The following MCC variants were observed in gnomAD, a reference collection of about 807,000 sequenced individuals.
MCC encodes colorectal mutant cancer protein.
Under a neutral mutation model 116.2 loss-of-function variants are expected in MCC, and 90 were observed. That is an observed-to-expected ratio of 0.77 (90% confidence interval 0.65 to 0.92). The LOEUF is 0.92. Ranked by LOEUF, MCC falls within the 40% of genes least tolerant of loss-of-function variation. The pLI is 0.00. For missense variants in MCC, 1,516 were observed against 1,312.2 expected (o/e 1.16, Z -2.40); for synonymous variants, 578 against 510.5 (o/e 1.13, Z -1.78).
chr5:113,409,552 A>ACAAGCTCATC (rs1472896075), intron 1 of MCC, among the ~76,000 whole-genome samples: 31 of 152,074 alleles, frequency 2.0e-4, no homozygotes, highest in Admixed American at 9.8e-4. Flanking sequence ...GGGTCTCACT[A>ACAAGCTCATC]TGTAGCCCAG....
At chr5:113,367,805 AGAGTT>A (rs1768739227) in intron 2 of MCC, among the ~76,000 whole-genome samples, 1 of 152,172 alleles carries the variant, frequency 6.6e-6, no homozygotes, top group South Asian at 2.1e-4. Flanking sequence ...TCTGGTCATT[AGAGTT>A]ATCTTGAGTA....
chr5:113,477,262 T>C (rs423089), intron 1 of MCC, among the ~76,000 whole-genome samples: 55,835 of 152,076 alleles, frequency 0.37, 12,848 homozygotes, highest in East Asian at 0.69. Context: ...AGTAAGTTGG[T>C]TGAGGCATTT....
In MCC at chr5:113,179,342, T is replaced by C. The variant is rs986136013; in HGVS notation, c.628-27920A>G. ...ACACTGCTTTAATCCATTTGCAGCC[T>C]AGCACAGGGAACATTTGTCTTCTCA... On this transcript the variant is annotated intron_variant, in intron 3 of 18. Transcript: ENST00000408903. 2.0e-5 allele frequency among the ~76,000 whole-genome samples: 3 copies of C among 152,206 alleles called. No individual in the cohort carries two copies. The South Asian group carries it at 6.2e-4, about 32-fold the overall frequency.
At chr5:113,194,247 C>G (rs773817467) in intron 3 of MCC, among the ~76,000 whole-genome samples, 2 of 152,174 alleles carry the variant, frequency 1.3e-5, no homozygotes, top group South Asian at 2.1e-4. Context: ...TGGTGATAAC[C>G]TAACTTATCC....
At chr5:113,169,177 G>A (rs1050139715) in intron 3 of MCC, among the ~76,000 whole-genome samples, 20 of 152,138 alleles carry the variant, frequency 1.3e-4, no homozygotes, top group African/African-American at 4.6e-4. Context: ...AGGTAAGATG[G>A]GAGGAGAAAA....
At chr5:113,053,383 C>T (rs1031304770) in intron 15 of MCC, among the ~76,000 whole-genome samples, 5 of 152,138 alleles carry the variant, frequency 3.3e-5, no homozygotes, top group Admixed American at 6.5e-5. Flanking sequence ...CATCAGCAAC[C>T]CAAGACATAT....
At chr5:113,247,390 A>G (rs1336314747) in intron 3 of MCC, among the ~76,000 whole-genome samples, 1 of 152,232 alleles carries the variant, frequency 6.6e-6, no homozygotes, top group African/African-American at 2.4e-5. Context: ...GATACATTTA[A>G]GTCAACAGAA....
chr5:113,251,000 G>A (rs1025369374), intron 3 of MCC, among the ~76,000 whole-genome samples: 3 of 152,180 alleles, frequency 2.0e-5, no homozygotes, highest in African/African-American at 7.2e-5. Flanking sequence ...TTTCCTTACT[G>A]ACTTAAGAGG....
In MCC at chr5:113,077,225, C is replaced by T. The variant is rs140859891; in HGVS notation, c.1784+5635G>A. ...TAATAATGGAGACTTTAACACCCTA[C>T]TGTCAACATTAGACAGATCAATGAG... On this transcript the variant is annotated intron_variant, in intron 11 of 18. Coordinates refer to ENST00000408903, the MANE Select transcript of MCC (RefSeq NM_001085377.2). Among the ~76,000 whole-genome samples, 617 of 152,288 alleles carry T rather than the reference C, an allele frequency of 4.1e-3. 7 individuals carry two copies. Among genetic ancestry groups the T allele is most frequent in the African/African-American group, 0.014 (569 of 41,536 alleles).
intron 13 of MCC, among the ~76,000 whole-genome samples, chr5:113,067,730 G>A (rs891521278): frequency 1.3e-5 from 2 of 152,372 alleles, no homozygotes; most frequent in South Asian, 2.1e-4. Context: ...GCCATGTGGC[G>A]GCAGCATGTG....
chr5:113,457,581 T>A (rs929777464), intron 1 of MCC, among the ~76,000 whole-genome samples: 1 of 152,210 alleles, frequency 6.6e-6, no homozygotes, highest in African/African-American at 2.4e-5. Flanking sequence ...AGGTGCAGGA[T>A]CCACTGGGTG....
At chr5:113,118,997 C>G (rs1757569185) in intron 6 of MCC, among the ~76,000 whole-genome samples, 1 of 152,212 alleles carries the variant, frequency 6.6e-6, no homozygotes, top group South Asian at 2.1e-4. Flanking sequence ...ATGCTCCTCC[C>G]CGAGGTTATC....
chr5:113,481,858 C>A (rs1236920987), intron 1 of MCC, among the ~76,000 whole-genome samples: 1 of 152,204 alleles, frequency 6.6e-6, no homozygotes, highest in Non-Finnish European at 1.5e-5. Context: ...AAAACTATCA[C>A]TACAACCAAT....
intron 11 of MCC, among the ~76,000 whole-genome samples, chr5:113,079,468 C>T (rs1581008717): frequency 1.3e-5 from 2 of 152,242 alleles, no homozygotes; most frequent in South Asian, 2.1e-4. Context: ...AGATATAGAC[C>T]AATGGAACAG....
chr5:113,189,207 CTT>C lies in MCC; in HGVS notation c.628-37787_628-37786del, dbSNP rs568541686. ...GCCCTCACCTTGCCCTACATGTCCT[CTT>C]TGGAAGAGCTGGCATCTTATATCAC... On this transcript the variant is annotated intron_variant, in intron 3 of 18. Coordinates refer to ENST00000408903, the MANE Select transcript of MCC (RefSeq NM_001085377.2). Among the ~76,000 whole-genome samples, 522 of 152,314 alleles carry C rather than the reference CTT, an allele frequency of 3.4e-3. 1 individual carries two copies. Among genetic ancestry groups the C allele is most frequent in the Non-Finnish European group, 6.2e-3 (425 of 68,028 alleles).
rs528351005 is a variant in MCC, at chr5:113,224,274, G to C, written c.628-72852C>G. On this transcript the variant is annotated intron_variant, in intron 3 of 18. Coordinates refer to ENST00000408903, the MANE Select transcript of MCC (RefSeq NM_001085377.2). Reference sequence around the variant, plus strand: ...CATCCGGCTAATTTTTGTGTTTTTAGTAGAGATGGGGTTTCACCATGTTGG... The same window carrying C: ...CATCCGGCTAATTTTTGTGTTTTTACTAGAGATGGGGTTTCACCATGTTGG... Among the ~76,000 whole-genome samples, 6 of 152,252 alleles carry C rather than the reference G, an allele frequency of 3.9e-5. No individual in the cohort carries two copies. The South Asian group carries it at 8.3e-4, about 21-fold the overall frequency.
intron 3 of MCC, among the ~76,000 whole-genome samples, chr5:113,244,365 TCTTCCAATAG>T (rs1488831171): frequency 2.0e-5 from 3 of 152,244 alleles, no homozygotes; most frequent in African/African-American, 4.8e-5. Flanking sequence ...TATATTTTGA[TCTTCCAATAG>T]CTAACACTTT....
intron 1 of MCC, among the ~76,000 whole-genome samples, chr5:113,400,987 T>G (rs1418765438): frequency 6.6e-6 from 1 of 152,178 alleles, no homozygotes; most frequent in Non-Finnish European, 1.5e-5. Context: ...GATCCAAACA[T>G]TATGTAAGGC....
chr5:113,230,034 G>C (rs1003074351), intron 3 of MCC, among the ~76,000 whole-genome samples: 2 of 152,174 alleles, frequency 1.3e-5, no homozygotes, highest in Non-Finnish European at 2.9e-5. Flanking sequence ...TGTAGTCAAA[G>C]GATGGAAGCA....
Sources: allele counts gnomAD v4.1 joint callset (sites outside exome capture counted in the v4.1 genomes callset), GRCh38; gene constraint gnomAD v4.1.1; transcripts MANE v1.5; gene names NCBI Gene and HGNC (gene_info 2026-07-23, HGNC 2026-07-21).